Variants in MGAT4B observed in about 807,000 individuals in gnomAD.
The protein encoded by MGAT4B is alpha-1,3-mannosyl-glycoprotein 4-beta-N-acetylglucosaminyltransferase B, also known as N-acetylglucosaminyltransferase IVb.
A neutral mutation model predicts 73.9 loss-of-function variants in MGAT4B; 38 were observed. That is an observed-to-expected ratio of 0.51 (90% CI 0.40 to 0.67). MGAT4B has a LOEUF of 0.67. Ranked by LOEUF, MGAT4B falls within the 30% of genes least tolerant of loss-of-function variation. MGAT4B has a pLI of 0.00. For missense variants in MGAT4B, 686 were observed against 735.2 expected (o/e 0.93, Z 0.77); for synonymous variants, 373 against 313.5 (o/e 1.19, Z -2.01).
At chr5:179,802,618 C>G in intron 1 of MGAT4B, 1 of 988,780 alleles carries the variant, frequency 1.0e-6, no homozygotes, top group Non-Finnish European at 1.2e-6. Context: ...CTCTGGAGAC[C>G]TGTGCTGCGC....
Position 179,806,698 on chromosome 5 carries a change from G to T in MGAT4B, c.-115C>A. 7.9e-6 allele frequency: 2 copies of T among 254,450 alleles called. No homozygotes were observed. The highest frequency in any genetic ancestry group is 1.2e-5 in the Non-Finnish European group (2 of 164,622). The allele number at this position is 254,450 out of a possible 1,614,324, so 15.8% of individuals were successfully genotyped here. A position where few individuals can be genotyped will look rare whatever the true frequency, so the allele number is the denominator to read the frequency against. ...GGCGGCGGCAGGGGCCCCGGCCCCGGGTCGGGGAGGGGCGGGGGGCCCGGG... is the reference window on the plus strand; with the variant it reads ...GGCGGCGGCAGGGGCCCCGGCCCCGTGTCGGGGAGGGGCGGGGGGCCCGGG... On this transcript the variant is annotated 5_prime_UTR_variant, in exon 1 of 15. Transcript: ENST00000292591. This position sits in a 1 kb window ranked among gnomAD's most constrained non-coding sequence, Gnocchi z 4.6.
At position 179,806,478 on chromosome 5, in the gene MGAT4B, C is replaced by T. The variant is rs1054417861; in HGVS notation, c.97+9G>A. On this transcript the variant is annotated intron_variant, in intron 1 of 14. Transcript: ENST00000292591. The surrounding 1 kb of genome is among the most constrained non-coding windows in gnomAD (Gnocchi z 4.6). ...CGCCAGGTGCGGGCCGGGCGGGGGT[C>T]GCGCTCACCTTTCTGGCCGCTGAGT... 3.9e-6 allele frequency: 5 copies of T among 1,280,466 alleles called. No homozygotes were observed. The South Asian group carries it at 6.6e-5, about 17-fold the overall frequency. 79.3% of individuals were successfully genotyped at this position (1,280,466 alleles called of 1,614,324 possible). A position where few individuals can be genotyped will look rare whatever the true frequency, so the allele number is the denominator to read the frequency against.
In MGAT4B at chr5:179,801,660, G is replaced by A. The variant is rs779780342; in HGVS notation, c.318C>T (p.His106=). 1.2e-6 allele frequency: 2 copies of A among 1,607,058 alleles called. No individual in the cohort carries two copies. The highest frequency in any genetic ancestry group is 1.1e-5 in the South Asian group (1 of 89,694). The part of the protein sequence containing the change: ...DPRLKPWNGS[H]RHVLHLPTVF... ...CGGTGGGCAGGTGCAGCACGTGCCGGTGTGAGCCGTTCCACGGCTTCAATC... is the reference window on the plus strand; with the variant it reads ...CGGTGGGCAGGTGCAGCACGTGCCGATGTGAGCCGTTCCACGGCTTCAATC... Residue 106 remains histidine (H), a synonymous_variant, in exon 3 of 15, where the codon CAC becomes CAT. Transcript: ENST00000292591. The surrounding 1 kb of genome is among the most constrained non-coding windows in gnomAD (Gnocchi z 4.8).
In MGAT4B at chr5:179,801,284, C is replaced by A; in HGVS notation, c.558+50G>T. On this transcript the variant is annotated intron_variant, in intron 4 of 14. Coordinates refer to ENST00000292591, the MANE Select transcript of MGAT4B (RefSeq NM_014275.5). This position sits in a 1 kb window ranked among gnomAD's most constrained non-coding sequence, Gnocchi z 4.8. ...ATGGTTCCTGCTGTCAGTTCTGCAC[C>A]GCGGGGGCTCCTCTGAATGTCCCCC... The A allele has an allele frequency of 6.4e-7, 1 of 1,568,484 alleles. No homozygotes were observed. Among genetic ancestry groups the A allele is most frequent in the Non-Finnish European group, 8.7e-7 (1 of 1,153,728 alleles).
intron 5 of MGAT4B, 36 bp downstream of exon 5, chr5:179,800,871 T>G (rs1756890652): frequency 6.2e-7 from 1 of 1,607,522 alleles, no homozygotes; most frequent in Admixed American, 1.7e-5. Flanking sequence ...CACCGAGCTC[T>G]CCCGCCACCA....
Position 179,798,126 on chromosome 5 carries a change from G to A in MGAT4B, c.1623+39C>T, listed in dbSNP as rs769290385. 7.6e-5 allele frequency: 121 copies of A among 1,594,126 alleles called. 1 individual carries two copies. In the South Asian group the frequency reaches 1.3e-3, roughly 17 times the overall value. ...TCTGAGCTCCGCCAGGGTCTCCCTGGCTGCTCCCCGTGCCTGGCCTGGCCC... is the reference window on the plus strand; with the variant it reads ...TCTGAGCTCCGCCAGGGTCTCCCTGACTGCTCCCCGTGCCTGGCCTGGCCC... On this transcript the variant is annotated intron_variant, in intron 14 of 14. Coordinates refer to ENST00000292591, the MANE Select transcript of MGAT4B (RefSeq NM_014275.5).
chr5:179,800,828 G>T, intron 5 of MGAT4B, 79 bp downstream of exon 5: 1 of 1,490,060 alleles, frequency 6.7e-7, no homozygotes, highest in Non-Finnish European at 9.3e-7. Context: ...ACTATCTCAT[G>T]GGGAGGCAGG....
chr5:179,802,746 C>T (rs958930915), intron 1 of MGAT4B: 2 of 985,410 alleles, frequency 2.0e-6, no homozygotes, highest in African/African-American at 1.7e-5. Flanking sequence ...GGCTGCCCGA[C>T]AGTAGAGAGG....
chr5:179,804,332 C>G (rs1043769499), intron 1 of MGAT4B, among the ~76,000 whole-genome samples: 4 of 152,172 alleles, frequency 2.6e-5, no homozygotes, highest in African/African-American at 4.8e-5. Flanking sequence ...ACCCTGCAAC[C>G]TCCTAGGAGT....
Position 179,798,432 on chromosome 5 carries a change from G to A in MGAT4B, c.1425C>T (p.Asn475=), listed in dbSNP as rs1021742130. The A allele has an allele frequency of 1.2e-6, 2 of 1,612,488 alleles. No individual in the cohort carries two copies. Among genetic ancestry groups the A allele is most frequent in the Non-Finnish European group, 1.7e-6 (2 of 1,179,756 alleles). ...NTSVEVLPFD[N]PQSDKEALQE... Reference sequence around the variant, plus strand: ...GCAGGGCCTCCTTGTCTGACTGAGGGTTCTGGGGGCAGAATCAAGGGCTGA... The same window carrying A: ...GCAGGGCCTCCTTGTCTGACTGAGGATTCTGGGGGCAGAATCAAGGGCTGA... The change falls in exon 13 of 15, where the codon AAC becomes AAT. Residue 475 remains asparagine, a splice_region_variant and synonymous_variant. Coordinates refer to ENST00000292591, the MANE Select transcript of MGAT4B (RefSeq NM_014275.5).
At chr5:179,803,972 C>T (rs1757045241) in intron 1 of MGAT4B, among the ~76,000 whole-genome samples, 1 of 152,238 alleles carries the variant, frequency 6.6e-6, no homozygotes, top group South Asian at 2.1e-4. Context: ...ACCCTATAAC[C>T]CTCGGGAGCT....
Position 179,797,995 on chromosome 5 carries a change from GA to G in MGAT4B, c.*49del. On this transcript the variant is annotated 3_prime_UTR_variant, in exon 15 of 15. Transcript: ENST00000292591. ...GGGGACGGCAGTGACGACACCCCCA[GA>G]AATGTGGGCTTCAGGGCTGGCCACA... is the stretch of plus-strand genomic sequence containing the variant. 1 of 1,586,234 alleles carries G rather than the reference GA, an allele frequency of 6.3e-7. No individual in the cohort carries two copies. Among genetic ancestry groups the G allele is most frequent in the Non-Finnish European group, 8.6e-7 (1 of 1,166,050 alleles).
rs557646955 is a variant in MGAT4B at position 179,804,405 on chromosome 5, G to A, written c.97+2082C>T. ...GGCGGACAGCCTGAAGGCTGGGAGC[G>A]CTGCATGGCTGAGACCCCGGGCTGC... On this transcript the variant is annotated intron_variant, in intron 1 of 14. Transcript: ENST00000292591. Among the ~76,000 whole-genome samples the A allele has an allele frequency of 5.9e-5, 9 of 152,308 alleles. 1 individual carries two copies. Among genetic ancestry groups the A allele is most frequent in the Admixed American group, 2.6e-4 (4 of 15,298 alleles).
At chr5:179,799,789 T>C (rs1562609992) in intron 8 of MGAT4B, 153 bp from the exon 9 acceptor site, 4 of 1,277,688 alleles carry the variant, frequency 3.1e-6, no homozygotes, top group East Asian at 2.3e-5. Flanking sequence ...AGGGCAGACA[T>C]GTCTGATGCA....
intron 11 of MGAT4B, 38 bp from the exon 12 acceptor site, chr5:179,798,629 G>A: frequency 6.2e-7 from 1 of 1,607,012 alleles, no homozygotes; most frequent in South Asian, 1.1e-5. Flanking sequence ...TGCAGGGGCA[G>A]CGTTCCAGCA....
At chr5:179,799,333 C>T (rs1246981873) in intron 9 of MGAT4B, 23 bp from the exon 10 acceptor site, 1 of 1,610,674 alleles carries the variant, frequency 6.2e-7, no homozygotes, top group Admixed American at 1.7e-5. Flanking sequence ...GGCAACACCC[C>T]AGGGCTCGGC....
intron 1 of MGAT4B, chr5:179,802,407 C>A: frequency 1.7e-6 from 2 of 1,165,796 alleles, no homozygotes; most frequent in South Asian, 3.1e-5. Context: ...CTTCACTGTC[C>A]TTGTAGCGGT....
chr5:179,799,444 T>A (rs1309399447), intron 9 of MGAT4B, 62 bp downstream of exon 9: 10 of 1,610,840 alleles, frequency 6.2e-6, no homozygotes, highest in Non-Finnish European at 8.5e-6. Context: ...GGGACACAGT[T>A]TGGGGTGGAG....
At position 179,800,246 on chromosome 5, in the gene MGAT4B, G is replaced by T; in HGVS notation, c.733C>A (p.Gln245Lys). The change falls in exon 7 of 15, where the codon CAG becomes AAG. Residue 245 changes from glutamine to lysine, a missense_variant. Coordinates refer to ENST00000292591, the MANE Select transcript of MGAT4B (RefSeq NM_014275.5). Reference sequence around the variant, plus strand: ...ATGAGGAAGCAGTAATCGAGGTTCTGTTTGGTCCTCCACCTGTGGGCCGGG... The same window carrying T: ...ATGAGGAAGCAGTAATCGAGGTTCTTTTTGGTCCTCCACCTGTGGGCCGGG... ...PKERVRWRTKQNLDYCFLMMY... is the reference protein window; with the variant it reads ...PKERVRWRTKKNLDYCFLMMY... 1 of 1,613,410 alleles carries T rather than the reference G, an allele frequency of 6.2e-7. No homozygotes were observed. Among genetic ancestry groups the T allele is most frequent in the African/African-American group, 1.3e-5 (1 of 75,012 alleles).
Sources: allele counts gnomAD v4.1 joint callset (sites outside exome capture counted in the v4.1 genomes callset), GRCh38; gene constraint gnomAD v4.1.1; non-coding constraint Gnocchi (gnomAD v3.1); transcripts MANE v1.5; gene names NCBI Gene and HGNC (gene_info 2026-07-23, HGNC 2026-07-21).